Variants in ANAPC10 observed in about 807,000 individuals in gnomAD.
ANAPC10 encodes the protein anaphase-promoting complex subunit 10.
In ANAPC10, 12 loss-of-function variants were observed where a neutral mutation model predicts 22.0. The ratio of observed to expected loss-of-function variants is 0.55; its 90% CI spans 0.35 to 0.88. ANAPC10 has a LOEUF of 0.88. ANAPC10 is among the 40% of genes least tolerant of loss of function. ANAPC10 has a pLI of 0.01. For synonymous variants in ANAPC10, 65 were observed against 69.5 expected, an observed-to-expected ratio of 0.94 and a Z score of 0.32; for missense variants, 188 against 220.9, an observed-to-expected ratio of 0.85 and a Z score of 0.94.
intron 4 of ANAPC10, among the ~76,000 whole-genome samples, chr4:145,018,003 G>A (rs1438024226): frequency 2.7e-5 from 4 of 150,668 alleles, no homozygotes; most frequent in African/African-American, 4.9e-5. Context: ...AGCATTAGGT[G>A]GTATACCTAA....
intron 2 of ANAPC10, among the ~76,000 whole-genome samples, chr4:145,092,502 T>C (rs1437931281): frequency 6.6e-6 from 1 of 152,060 alleles, no homozygotes; most frequent in Non-Finnish European, 1.5e-5. Flanking sequence ...CAAGACCAAA[T>C]AAATACATAA....
At chr4:145,095,877 G>A in intron 2 of ANAPC10, 108 bp downstream of exon 2, 1 of 1,431,408 alleles carries the variant, frequency 7.0e-7, no homozygotes, top group Non-Finnish European at 9.8e-7. Flanking sequence ...ATGGTTTTAG[G>A]CATCCACTGG....
At chr4:145,031,803 C>T (rs1287072142) in intron 4 of ANAPC10, among the ~76,000 whole-genome samples, 1 of 152,176 alleles carries the variant, frequency 6.6e-6, no homozygotes, top group African/African-American at 2.4e-5. Flanking sequence ...TAACTACTCT[C>T]CTTTTGAGAG....
At chr4:145,054,549 T>A (rs532406978) in intron 4 of ANAPC10, among the ~76,000 whole-genome samples, 308 of 141,994 alleles carry the variant, frequency 2.2e-3, no homozygotes, top group Non-Finnish European at 3.7e-3. Context: ...GGAGAGAGAC[T>A]CTATCTCAAA....
intron 2 of ANAPC10, among the ~76,000 whole-genome samples, chr4:145,087,815 G>A (rs932552794): frequency 1.3e-5 from 2 of 152,138 alleles, no homozygotes; most frequent in Non-Finnish European, 2.9e-5. Flanking sequence ...GGGAGGCTGA[G>A]GTGGGCGGAT....
Position 145,034,539 on chromosome 4 carries a change from ATATATGTG to A in ANAPC10, c.327+30025_327+30032del, listed in dbSNP as rs1235921432. Among the ~76,000 whole-genome samples, 5 of 139,692 alleles carry A rather than the reference ATATATGTG, an allele frequency of 3.6e-5. 1 individual carries two copies. The highest frequency in any genetic ancestry group is 4.3e-4 in the East Asian group (2 of 4,666). The allele number at this position is 139,692 out of a possible 152,430, so 91.6% of individuals were successfully genotyped here. On this transcript the variant is annotated intron_variant, in intron 4 of 4. Coordinates refer to ENST00000507656, the MANE Select transcript of ANAPC10 (RefSeq NM_001256706.2). The stretch of plus-strand genomic sequence containing the variant: ...AACTCTCCTTTATATATATATATAT[ATATATGTG>A]TGTGTGTGTGTGTGTGTGTGTGTGT...
chr4:145,057,736 C>T (rs1356436602), intron 4 of ANAPC10, among the ~76,000 whole-genome samples: 1 of 152,166 alleles, frequency 6.6e-6, no homozygotes, highest in Non-Finnish European at 1.5e-5. Flanking sequence ...GCCCCTCCCC[C>T]TCAGAATGTT....
At chr4:145,022,031 G>A (rs1736030588) in intron 4 of ANAPC10, among the ~76,000 whole-genome samples, 1 of 152,118 alleles carries the variant, frequency 6.6e-6, no homozygotes, top group African/African-American at 2.4e-5. Context: ...TGGGGATGCA[G>A]TGATCAGGGA....
intron 4 of ANAPC10, among the ~76,000 whole-genome samples, chr4:145,037,498 T>C (rs1295305372): frequency 2.6e-5 from 4 of 152,088 alleles, no homozygotes; most frequent in Admixed American, 6.5e-5. Context: ...GTCAGAAATA[T>C]ATCTAAGAAA....
intron 4 of ANAPC10, among the ~76,000 whole-genome samples, chr4:145,018,992 A>G (rs531269154): frequency 3.9e-5 from 6 of 152,314 alleles, no homozygotes; most frequent in South Asian, 2.1e-4. Context: ...CAGCAACACC[A>G]TAACAGTGGG....
At chr4:145,021,316 A>AT (rs1219972396) in intron 4 of ANAPC10, among the ~76,000 whole-genome samples, 1 of 152,200 alleles carries the variant, frequency 6.6e-6, no homozygotes, top group Non-Finnish European at 1.5e-5. Flanking sequence ...TGGTACTGGT[A>AT]TAAAAATAGG....
intron 2 of ANAPC10, among the ~76,000 whole-genome samples, chr4:145,084,281 T>G (rs1446579257): frequency 6.6e-6 from 1 of 152,250 alleles, no homozygotes; most frequent in Non-Finnish European, 1.5e-5. Flanking sequence ...GCATTGAATT[T>G]CAAATTACTA....
chr4:145,015,189 T>C (rs995954612), intron 4 of ANAPC10, among the ~76,000 whole-genome samples: 51 of 151,562 alleles, frequency 3.4e-4, no homozygotes, highest in Non-Finnish European at 8.8e-5. Flanking sequence ...ATCCAAAAAA[T>C]GATACAAGAA....
intron 4 of ANAPC10, among the ~76,000 whole-genome samples, chr4:145,044,222 T>C (rs965784900): frequency 6.6e-6 from 1 of 152,066 alleles, no homozygotes; most frequent in Non-Finnish European, 1.5e-5. Context: ...ATCATACTCA[T>C]TATAGCAATG....
intron 4 of ANAPC10, among the ~76,000 whole-genome samples, chr4:145,025,342 C>A (rs1041846403): frequency 1.9e-4 from 28 of 148,522 alleles, no homozygotes; most frequent in African/African-American, 6.4e-4. Context: ...GCCCCCCCCC[C>A]CTTTTAAGCT....
At chr4:145,002,025 T>C (rs571996548) in intron 4 of ANAPC10, among the ~76,000 whole-genome samples, 1 of 152,302 alleles carries the variant, frequency 6.6e-6, no homozygotes, top group South Asian at 2.1e-4. Flanking sequence ...AAGGAAAAAC[T>C]ACTTGATAGT....
At chr4:145,077,387 C>T (rs748045184) in intron 3 of ANAPC10, among the ~76,000 whole-genome samples, 15 of 152,010 alleles carry the variant, frequency 9.9e-5, no homozygotes, top group Admixed American at 2.0e-4. Context: ...AAAATTTCCC[C>T]GATCTCGCTA....
intron 4 of ANAPC10, among the ~76,000 whole-genome samples, chr4:144,997,352 C>T (rs1731778456): frequency 6.6e-6 from 1 of 152,100 alleles, no homozygotes; most frequent in Non-Finnish European, 1.5e-5. Flanking sequence ...GTCGGGTTGC[C>T]CACAAAGGGA....
intron 3 of ANAPC10, among the ~76,000 whole-genome samples, chr4:145,072,641 T>C (rs1209859074): frequency 6.6e-6 from 1 of 152,126 alleles, no homozygotes; most frequent in Non-Finnish European, 1.5e-5. Context: ...GCTAAAAAAA[T>C]CTACCCAATA....
Sources: gnomAD v4.1 joint callset for allele counts (sites outside exome capture counted in the v4.1 genomes callset) on GRCh38, gnomAD v4.1.1 for gene constraint, MANE v1.5 for transcripts, NCBI Gene and HGNC (gene_info 2026-07-23, HGNC 2026-07-21) for gene names.